The following RIMS2 variants were observed in gnomAD, a reference collection of about 807,000 sequenced individuals.
RIMS2 encodes the protein regulating synaptic membrane exocytosis protein 2.
RIMS2 carries 59 observed loss-of-function variants against 174.4 expected under a neutral mutation model. The ratio of observed to expected loss-of-function variants is 0.34; its 90% CI spans 0.27 to 0.42. The LOEUF (loss-of-function observed/expected upper bound fraction) is 0.42, where lower values mean the gene tolerates loss of function less well. Among genes scored for constraint, RIMS2 ranks in the 10% least tolerant of loss-of-function variants. The pLI is 1.00. For synonymous variants in RIMS2, 606 were observed against 572.5 expected, an observed-to-expected ratio of 1.06 and a Z score of -0.84; for missense variants, 1,620 against 1,666.3, an observed-to-expected ratio of 0.97 and a Z score of 0.48.
chr8:104,114,014 T>C (rs1475917133), intron 19 of RIMS2, among the ~76,000 whole-genome samples: 1 of 151,994 alleles, frequency 6.6e-6, no homozygotes, highest in Non-Finnish European at 1.5e-5. Flanking sequence ...TCTTTTAATG[T>C]GGGTTGAATA....
chr8:103,995,552 A>G (rs2095038801), intron 17 of RIMS2, among the ~76,000 whole-genome samples: 1 of 152,080 alleles, frequency 6.6e-6, no homozygotes, highest in South Asian at 2.1e-4. Context: ...GATAATTTAG[A>G]GAATCTTAGG....
At chr8:104,149,848 A>G (rs10955342) in intron 19 of RIMS2, among the ~76,000 whole-genome samples, 39,313 of 152,032 alleles carry the variant, frequency 0.26, 5,369 homozygotes, top group South Asian at 0.43. Flanking sequence ...AGTCTTATTT[A>G]ACAATATTAT....
At chr8:103,870,172 T>C (rs2099103851) in intron 3 of RIMS2, among the ~76,000 whole-genome samples, 2 of 151,760 alleles carry the variant, frequency 1.3e-5, no homozygotes. Context: ...AAATTCCTTT[T>C]CTACTATTTA....
chr8:103,804,319 A>G (rs1386823553), intron 3 of RIMS2, among the ~76,000 whole-genome samples: 1 of 152,126 alleles, frequency 6.6e-6, no homozygotes, highest in African/African-American at 2.4e-5. Flanking sequence ...TATAGGTTTG[A>G]CCCTGCAGAT....
At chr8:103,569,053 CT>C (rs926412496) in intron 1 of RIMS2, 362 of 382,152 alleles carry the variant, frequency 9.5e-4, no homozygotes, top group South Asian at 1.9e-3. Flanking sequence ...TCCAATTTAT[CT>C]TTTTTTTTGT....
intron 19 of RIMS2, among the ~76,000 whole-genome samples, chr8:104,143,567 T>G (rs2098603436): frequency 6.6e-6 from 1 of 152,188 alleles, no homozygotes. Flanking sequence ...GAAGTAAGCC[T>G]TTCAAGATAC....
intron 3 of RIMS2, among the ~76,000 whole-genome samples, chr8:103,794,555 A>G (rs542853695): frequency 6.6e-6 from 1 of 152,350 alleles, no homozygotes; most frequent in South Asian, 2.1e-4. Context: ...ACCAATGGCA[A>G]TGGCAACAAA....
At chr8:103,537,691 A>T (rs1008026679) in intron 1 of RIMS2, among the ~76,000 whole-genome samples, 1 of 152,164 alleles carries the variant, frequency 6.6e-6, no homozygotes, top group African/African-American at 2.4e-5. Context: ...GTGATCAGTG[A>T]AGGGAAATTA....
At chr8:103,804,877 A>G (rs1592796757) in intron 3 of RIMS2, among the ~76,000 whole-genome samples, 1 of 151,842 alleles carries the variant, frequency 6.6e-6, no homozygotes, top group African/African-American at 2.4e-5. Context: ...GATCACTGCA[A>G]CCCCTAGCCC....
chr8:103,958,772 T>C (rs1292942360), intron 14 of RIMS2, among the ~76,000 whole-genome samples: 4 of 152,042 alleles, frequency 2.6e-5, no homozygotes, highest in Non-Finnish European at 2.9e-5. Context: ...CTTTACAAAG[T>C]GGTGGGAGAA....
intron 4 of RIMS2, among the ~76,000 whole-genome samples, chr8:103,906,245 T>C (rs111769236): frequency 0.012 from 1,781 of 152,254 alleles, 34 homozygotes; most frequent in African/African-American, 0.039. Flanking sequence ...TTGTTTTGTT[T>C]TGTTTTTGTT....
intron 19 of RIMS2, chr8:104,094,446 T>G (rs2097719218): frequency 1.6e-6 from 1 of 616,318 alleles, no homozygotes; most frequent in Non-Finnish European, 2.9e-6. Flanking sequence ...TGTGTTTATT[T>G]GCATGCCTTC....
intron 16 of RIMS2, among the ~76,000 whole-genome samples, chr8:103,982,339 CT>C (rs1249133688): frequency 6.6e-6 from 1 of 151,950 alleles, no homozygotes; most frequent in Non-Finnish European, 1.5e-5. Context: ...AATACCAACT[CT>C]ACTCAAACTA....
chr8:103,981,896 C>A (rs569914131), intron 16 of RIMS2, among the ~76,000 whole-genome samples: 6 of 151,944 alleles, frequency 3.9e-5, no homozygotes, highest in Non-Finnish European at 7.4e-5. Flanking sequence ...AAAACAGACT[C>A]AAAAGAGCAA....
intron 19 of RIMS2, among the ~76,000 whole-genome samples, chr8:104,149,362 G>A (rs1380220539): frequency 6.6e-6 from 1 of 152,144 alleles, no homozygotes; most frequent in South Asian, 2.1e-4. Flanking sequence ...TTATTTCCCT[G>A]TTAAAACTTC....
At chr8:104,172,065 A>G (rs2098835667) in intron 19 of RIMS2, among the ~76,000 whole-genome samples, 4 of 152,152 alleles carry the variant, frequency 2.6e-5, no homozygotes, top group Admixed American at 2.6e-4. Flanking sequence ...CTCATGGTAT[A>G]TACTTTATGT....
At chr8:104,041,273 A>C in intron 19 of RIMS2, 53 bp from the exon 22 acceptor site, 1 of 623,964 alleles carries the variant, frequency 1.6e-6, no homozygotes, top group Non-Finnish European at 2.9e-6. Flanking sequence ...GAGTACATCC[A>C]CTCACTCCCA....
exon 14 of RIMS2, chr8:103,942,820 G>C (rs1373489181): frequency 6.2e-7 from 1 of 1,612,686 alleles, no homozygotes; most frequent in Admixed American, 1.7e-5. Context: ...AGCCACATTG[G>C]TACAAACTTC....
At chr8:103,763,733 T>G (rs1017187586) in intron 2 of RIMS2, among the ~76,000 whole-genome samples, 1 of 152,152 alleles carries the variant, frequency 6.6e-6, no homozygotes, top group African/African-American at 2.4e-5. Context: ...TATATTAATA[T>G]TCACTAGATA....
Sources: gnomAD v4.1 joint callset for allele counts (sites outside exome capture counted in the v4.1 genomes callset) on GRCh38, gnomAD v4.1.1 for gene constraint, MANE v1.5 for transcripts, NCBI Gene and HGNC (gene_info 2026-07-23, HGNC 2026-07-21) for gene names.